MYBPC2: variants seen among roughly 807,000 people sequenced by gnomAD.
MYBPC2 encodes myosin binding protein C2, also known as myosin-binding protein C, fast-type.
In MYBPC2, 122 loss-of-function variants were observed where a neutral mutation model predicts 137.0. The observed-to-expected ratio is 0.89, with a 90% CI of 0.77 to 1.03. MYBPC2 has a LOEUF of 1.03. MYBPC2 is among the 50% of genes least tolerant of loss of function. MYBPC2 has a pLI of 0.00. For synonymous variants in MYBPC2, 626 were observed against 612.3 expected (o/e 1.02, Z -0.33); for missense variants, 1,500 against 1,534.4 (o/e 0.98, Z 0.37).
rs2039972872 is a variant in MYBPC2 at position 50,461,672 on chromosome 19, C to T, written c.3062C>T (p.Ser1021Phe). The stretch of plus-strand genomic sequence containing the variant: ...GGGCTCAGTGACTCACCTGGTGTCT[C>T]CAAGAACACGGCCCGCATCCTCAAG... ...ICGLSDSPGVSKNTARILKTG... is the reference protein window; with the variant it reads ...ICGLSDSPGVFKNTARILKTG... The change falls in exon 25 of 28, where the codon TCC (serine) becomes TTC (phenylalanine). Residue 1021 changes from serine (S) to phenylalanine (F), a missense_variant. Transcript: ENST00000357701. 6 of 1,613,454 alleles carry T rather than the reference C, an allele frequency of 3.7e-6. No individual in the cohort carries two copies. The highest frequency in any genetic ancestry group is 5.1e-6 in the Non-Finnish European group (6 of 1,179,798).
chr19:50,460,132 A>C lies in MYBPC2; in HGVS notation c.2884A>C (p.Ser962Arg), dbSNP rs772868068. The change falls in exon 24 of 28, where the codon AGT (serine) becomes CGT (arginine). Residue 962 changes from serine to arginine, a missense_variant. Transcript: ENST00000357701. ...EWQAPKDDGNSEIMGYFVQKA... is the reference protein window; with the variant it reads ...EWQAPKDDGNREIMGYFVQKA... ...GCAGGCCCCCAAAGATGATGGGAAC[A>C]GTGAGATCATGGGGTATTTCGTCCA... The C allele has an allele frequency of 1.9e-6, 3 of 1,583,568 alleles. No individual in the cohort carries two copies. The highest frequency in any genetic ancestry group is 2.6e-6 in the Non-Finnish European group (3 of 1,166,368).
chr19:50,458,811 C>T, intron 21 of MYBPC2, 57 bp downstream of exon 21: 1 of 1,601,594 alleles, frequency 6.2e-7, no homozygotes, highest in Non-Finnish European at 8.5e-7. Flanking sequence ...TCCCGCCTGC[C>T]CTTTCCGTGT....
chr19:50,440,948 T>A lies in MYBPC2; in HGVS notation c.641T>A (p.Ile214Asn). The change falls in exon 8 of 28, where the codon ATT becomes AAT. Residue 214 changes from isoleucine (I) to asparagine (N), a missense_variant. Transcript: ENST00000357701. ...GATGACCTAGGCATCCCCCCGGAGA[T>A]TTGGGAGCTCCTGAAAGGGGCAAAG... ...DDDDLGIPPE[I>N]WELLKGAKKS... is the part of the protein sequence containing the mutation. The A allele has an allele frequency of 6.2e-7, 1 of 1,613,274 alleles. No individual in the cohort carries two copies. Among genetic ancestry groups the A allele is most frequent in the East Asian group, 2.2e-5 (1 of 44,850 alleles).
intron 1 of MYBPC2, among the ~76,000 whole-genome samples, chr19:50,433,893 T>A (rs556542081): frequency 6.6e-6 from 1 of 151,846 alleles, no homozygotes; most frequent in East Asian, 2.0e-4. Context: ...CTGGGCAACA[T>A]GGCGAGACCT....
At chr19:50,458,413 C>T (rs985562058) in intron 20 of MYBPC2, among the ~76,000 whole-genome samples, 174 bp from the exon 21 acceptor site, 1 of 151,992 alleles carries the variant, frequency 6.6e-6, no homozygotes, top group African/African-American at 2.4e-5. Context: ...GAATGGCCAC[C>T]CTTAGAACCT....
At chr19:50,453,288 T>A (rs1384643078) in intron 16 of MYBPC2, among the ~76,000 whole-genome samples, 1 of 152,002 alleles carries the variant, frequency 6.6e-6, no homozygotes, top group Middle Eastern at 3.2e-3. Flanking sequence ...CGCAAACACC[T>A]GCCCAAGAAG....
chr19:50,452,630 T>C (rs1306523132), intron 16 of MYBPC2, among the ~76,000 whole-genome samples: 1 of 152,114 alleles, frequency 6.6e-6, no homozygotes, highest in East Asian at 1.9e-4. Context: ...TAGTCTTGGC[T>C]CACGGAAACC....
rs756709041 is a variant in MYBPC2 at position 50,437,477 on chromosome 19, C to T, written c.468C>T (p.Pro156=). 1.9e-6 allele frequency: 3 copies of T among 1,610,854 alleles called. No individual in the cohort carries two copies. The highest frequency in any genetic ancestry group is 2.2e-5 in the South Asian group (2 of 90,224). The change falls in exon 6 of 28, where the codon CCC becomes CCT. Residue 156 remains proline, a synonymous_variant. Coordinates refer to ENST00000357701, the MANE Select transcript of MYBPC2 (RefSeq NM_004533.4). ...TCTCTCATCACCTCTCCCCAGCACC[C>T]CGTCAGGATGCCTCTGGGCAGAGTC... ...SCGFNIDVEA[P]RQDASGQSLE...
rs1302099309 is a variant in MYBPC2, at chr19:50,465,251, C to T, written c.3415+719C>T. ...TTCTTCCCACATGATGTCCCAGCCA[C>T]ACCGGGCTGTTGGCAGTTACACTGG... On this transcript the variant is annotated intron_variant, in intron 27 of 27. Coordinates refer to ENST00000357701, the MANE Select transcript of MYBPC2 (RefSeq NM_004533.4). The surrounding 1 kb of genome is among the most constrained non-coding windows in gnomAD (Gnocchi z 4.5). Among the ~76,000 whole-genome samples, 1 of 152,164 alleles carries T rather than the reference C, an allele frequency of 6.6e-6. No individual in the cohort carries two copies. Among genetic ancestry groups the T allele is most frequent in the Non-Finnish European group, 1.5e-5 (1 of 68,014 alleles).
intron 7 of MYBPC2, among the ~76,000 whole-genome samples, chr19:50,438,873 A>C (rs978805747): frequency 1.8e-4 from 28 of 152,012 alleles, no homozygotes; most frequent in Non-Finnish European, 3.8e-4. Context: ...CAAAAACAAC[A>C]ACCACAAAAA....
chr19:50,435,172 GCC>G lies in MYBPC2; in HGVS notation c.35_36del (p.Pro12GlnfsTer16). 7.5e-7 allele frequency: 1 copy of G among 1,333,478 alleles called. No individual in the cohort carries two copies. Among genetic ancestry groups the G allele is most frequent in the Non-Finnish European group, 1.1e-6 (1 of 929,394 alleles). The allele number at this position is 1,333,478 out of a possible 1,614,324, so 82.6% of individuals were successfully genotyped here. On this transcript the variant is annotated frameshift_variant, in exon 2 of 28. Coordinates refer to ENST00000357701, the MANE Select transcript of MYBPC2 (RefSeq NM_004533.4). LOFTEE classifies it high-confidence loss of function. This position sits in a 1 kb window ranked among gnomAD's most constrained non-coding sequence, Gnocchi z 4.8. ...CCCCTACCTTACAGCGGCCAAAAAG[GCC>G]CCCAAAGGCAAAGATGCCCCCAAAG... Reference protein sequence around the residue: MPEAKPAAKKAPKGKDAPKGA... With the variant: MPEAKPAAKKXPKGKDAPKGA...
chr19:50,462,062 C>T (rs1568670266), intron 26 of MYBPC2, 26 bp downstream of exon 26: 10 of 1,560,786 alleles, frequency 6.4e-6, no homozygotes, highest in African/African-American at 1.4e-5. Flanking sequence ...CCCAGATCTG[C>T]GTGTGTGTTG....
intron 13 of MYBPC2, among the ~76,000 whole-genome samples, chr19:50,448,823 C>T (rs1568663074): frequency 6.9e-6 from 1 of 145,868 alleles, no homozygotes; most frequent in African/African-American, 2.6e-5. Flanking sequence ...CAACCTCCAA[C>T]TCTGAGGTTC....
At chr19:50,441,167 T>A in intron 8 of MYBPC2, 91 bp downstream of exon 8, 1 of 1,349,970 alleles carries the variant, frequency 7.4e-7, no homozygotes, top group Non-Finnish European at 9.8e-7. Flanking sequence ...ACCTATCTTT[T>A]CGAGGTCCCA....
Position 50,442,231 on chromosome 19 carries a change from A to T in MYBPC2, c.820A>T (p.Ile274Phe). ...PAYQVDRGNK[I>F]KLMVEISDPD... ...CTACCAAGTGGACAGAGGCAACAAG[A>T]TCAAGTTGATGGTAGAGATCAGCGA... The change falls in exon 9 of 28, where the codon ATC becomes TTC. Residue 274 changes from isoleucine to phenylalanine, a missense_variant. Physicochemically the swap from Ile to Phe is conservative, Grantham distance 21 (BLOSUM62 0). Transcript: ENST00000357701. The T allele has an allele frequency of 6.2e-7, 1 of 1,603,776 alleles. No homozygotes were observed. The highest frequency in any genetic ancestry group is 8.5e-7 in the Non-Finnish European group (1 of 1,175,298).
In MYBPC2 at chr19:50,432,941, G is replaced by A; in HGVS notation, c.-13G>A. 1.2e-6 allele frequency: 2 copies of A among 1,606,618 alleles called. No homozygotes were observed. Among genetic ancestry groups the A allele is most frequent in the Non-Finnish European group, 8.5e-7 (1 of 1,177,816 alleles). On this transcript the variant is annotated 5_prime_UTR_variant, in exon 1 of 28. Coordinates refer to ENST00000357701, the MANE Select transcript of MYBPC2 (RefSeq NM_004533.4). The surrounding 1 kb of genome is among the most constrained non-coding windows in gnomAD (Gnocchi z 5.5). Reference sequence around the variant, plus strand: ...GCGGCTGCGGTCAGAGGAGCAGGAGGAGGTCCCCCGACATGCCTGAGGCAA... The same window carrying A: ...GCGGCTGCGGTCAGAGGAGCAGGAGAAGGTCCCCCGACATGCCTGAGGCAA...
chr19:50,445,795 G>A (rs1295929985), intron 11 of MYBPC2, 85 bp from the exon 12 acceptor site: 1 of 1,375,440 alleles, frequency 7.3e-7, no homozygotes. Flanking sequence ...TGATCCCTCT[G>A]CATGGGCCCC....
intron 20 of MYBPC2, among the ~76,000 whole-genome samples, chr19:50,457,719 G>A (rs370832665): frequency 1.3e-4 from 18 of 137,818 alleles, no homozygotes; most frequent in Admixed American, 8.0e-4. Context: ...TTGGTCTGTC[G>A]CCCAGGCTGG....
chr19:50,452,540 G>GTATCTATC (rs1477917128), intron 16 of MYBPC2, among the ~76,000 whole-genome samples: 1 of 65,132 alleles, frequency 1.5e-5, no homozygotes, highest in Non-Finnish European at 3.4e-5. Flanking sequence ...ATCTATCTAT[G>GTATCTATC]TATCTATCTA....
Sources: gnomAD v4.1 joint callset for allele counts (sites outside exome capture counted in the v4.1 genomes callset) on GRCh38, gnomAD v4.1.1 for gene constraint, Gnocchi (gnomAD v3.1) non-coding constraint, MANE v1.5 for transcripts, NCBI Gene and HGNC (gene_info 2026-07-23, HGNC 2026-07-21) for gene names.